Variants in TDRD5 observed in about 807,000 individuals in gnomAD.
TDRD5 encodes tudor domain containing 5.
In TDRD5, 41 loss-of-function variants were observed where a neutral mutation model predicts 120.6. The ratio of observed to expected loss-of-function variants is 0.34; its 90% confidence interval spans 0.26 to 0.44. The LOEUF (loss-of-function observed/expected upper bound fraction) is 0.44, where lower values mean the gene tolerates loss of function less well. Ranked by LOEUF, TDRD5 falls within the 20% of genes least tolerant of loss-of-function variation. The pLI, the probability that TDRD5 is intolerant of heterozygous loss-of-function variation, is 1.00. For synonymous variants in TDRD5, 430 were observed against 433.7 expected, an observed-to-expected ratio of 0.99 and a Z score of 0.11; for missense variants, 1,006 against 1,221.2, an observed-to-expected ratio of 0.82 and a Z score of 2.63.
chr1:179,652,101 T>C lies in TDRD5; in HGVS notation c.2064T>C (p.Ile688=). The C allele has an allele frequency of 6.2e-7, 1 of 1,614,084 alleles. No individual in the cohort carries two copies. The highest frequency in any genetic ancestry group is 8.5e-7 in the Non-Finnish European group (1 of 1,179,992). The change falls in exon 13 of 18, where the codon ATT becomes ATC. Residue 688 remains isoleucine (I), a synonymous_variant. Coordinates refer to ENST00000444136, the MANE Select transcript of TDRD5 (RefSeq NM_001199085.3). ...YTTSSGGPED[I]VLTELGYPSQ... ...CATCCAGTGGAGGGCCAGAGGACATTGTCTTGACAGAACTGGGTTATCCTT... is the reference window on the plus strand; with the variant it reads ...CATCCAGTGGAGGGCCAGAGGACATCGTCTTGACAGAACTGGGTTATCCTT...
At chr1:179,617,083 A>G (rs1332037078) in intron 4 of TDRD5, among the ~76,000 whole-genome samples, 1 of 152,208 alleles carries the variant, frequency 6.6e-6, no homozygotes, top group Non-Finnish European at 1.5e-5. Flanking sequence ...ATCTAAGACT[A>G]AGGGCTAGGT....
At chr1:179,654,098 G>T (rs1472909479) in intron 13 of TDRD5, 103 bp from the exon 14 acceptor site, 5 of 919,914 alleles carry the variant, frequency 5.4e-6, no homozygotes, top group South Asian at 2.2e-5. Flanking sequence ...TGTAGCATTT[G>T]TGTGAACCAT....
At chr1:179,628,335 T>C (rs1482187567) in intron 6 of TDRD5, among the ~76,000 whole-genome samples, 1 of 143,464 alleles carries the variant, frequency 7.0e-6, no homozygotes, top group African/African-American at 2.6e-5. Flanking sequence ...TTTTTTTTTT[T>C]TTTTTTTTTT....
In TDRD5 at chr1:179,652,006, AT is replaced by A. The variant is rs758742121; in HGVS notation, c.2002-31del. On this transcript the variant is annotated intron_variant, in intron 12 of 17. Transcript: ENST00000444136. ...CGCCCTTTTTCTGTTGGTCATGTAA[AT>A]TAAACCATCCCTTTTCTTTTTTTAA... 5.6e-6 allele frequency: 9 copies of A among 1,605,556 alleles called. No homozygotes were observed. The South Asian group carries it at 1.0e-4, about 18-fold the overall frequency.
intron 4 of TDRD5, among the ~76,000 whole-genome samples, chr1:179,607,232 A>G (rs532235645): frequency 6.6e-5 from 10 of 152,230 alleles, no homozygotes; most frequent in Admixed American, 5.9e-4. Context: ...AATTTCACTT[A>G]TTACTGGAAT....
intron 4 of TDRD5, among the ~76,000 whole-genome samples, chr1:179,609,106 C>G (rs1192539747): frequency 1.3e-5 from 2 of 152,006 alleles, no homozygotes; most frequent in Non-Finnish European, 2.9e-5. Flanking sequence ...CACGGGAACA[C>G]CCTGAGAAAA....
intron 11 of TDRD5, among the ~76,000 whole-genome samples, chr1:179,643,783 A>C (rs1439422824): frequency 6.6e-6 from 1 of 152,156 alleles, no homozygotes; most frequent in African/African-American, 2.4e-5. Flanking sequence ...AGGATGGAAA[A>C]AAGGAAGGCC....
At chr1:179,628,395 A>G (rs148175346) in intron 6 of TDRD5, among the ~76,000 whole-genome samples, 1,406 of 137,864 alleles carry the variant, frequency 0.01, 27 homozygotes, top group African/African-American at 0.036. Context: ...CAGTGGTACA[A>G]TCATAGCTCA....
Position 179,618,624 on chromosome 1 carries a change from T to C in TDRD5, c.857T>C (p.Ile286Thr). 1 of 1,597,330 alleles carries C rather than the reference T, an allele frequency of 6.3e-7. No individual in the cohort carries two copies. Among genetic ancestry groups the C allele is most frequent in the Non-Finnish European group, 8.5e-7 (1 of 1,173,564 alleles). ...CTGGAGAACACATTCAAATCAGTTA[T>C]TGCACAGATTGGACCTGGAGGAACT... is the stretch of plus-strand genomic sequence containing the variant. ...NQLENTFKSV[I>T]AQIGPGGTIS... The change falls in exon 5 of 18, where the codon ATT becomes ACT. Residue 286 changes from isoleucine to threonine, a missense_variant. Around this residue, in one of 3 missense-constraint regions of TDRD5, gnomAD observed 445 missense variants for 515.5 expected, o/e 0.86. Coordinates refer to ENST00000444136, the MANE Select transcript of TDRD5 (RefSeq NM_001199085.3).
rs80338510 is a variant in TDRD5, at chr1:179,689,742, C to T, written c.2861-954C>T. On this transcript the variant is annotated intron_variant, in intron 17 of 17. Coordinates refer to ENST00000444136, the MANE Select transcript of TDRD5 (RefSeq NM_001199085.3). ...GGCTACTTTGGTTACCTACTCAAAC[C>T]TCAGCAATGGCGGGCACCCCTCCCC... Among the ~76,000 whole-genome samples the T allele has an allele frequency of 2.0e-5, 3 of 152,154 alleles. No individual in the cohort carries two copies. In the South Asian group the frequency reaches 6.2e-4, roughly 32 times the overall value.
At chr1:179,600,904 G>A (rs1382925913) in intron 4 of TDRD5, among the ~76,000 whole-genome samples, 1 of 152,014 alleles carries the variant, frequency 6.6e-6, no homozygotes, top group Non-Finnish European at 1.5e-5. Context: ...GAAGTGTGTT[G>A]TTTAATATCC....
chr1:179,663,820 A>G (rs1254343498), intron 16 of TDRD5, among the ~76,000 whole-genome samples: 1 of 152,076 alleles, frequency 6.6e-6, no homozygotes, highest in East Asian at 1.9e-4. Flanking sequence ...AAATGATTAA[A>G]CCTCTCTTAG....
chr1:179,592,178 C>A, intron 1 of TDRD5, 53 bp downstream of exon 1: 1 of 168,790 alleles, frequency 5.9e-6, no homozygotes, highest in Non-Finnish European at 1.3e-5. Flanking sequence ...GAGCGGGGAG[C>A]GCCCCCTCGG....
chr1:179,634,478 A>G lies in TDRD5; in HGVS notation c.1148A>G (p.Glu383Gly). ...LPPVQSDKKI[E>G]AKACVSSPPR... is the part of the protein sequence containing the mutation. ...TTAGTTCAGTCAGATAAGAAAATAG[A>G]AGCCAAAGCTTGTGTCTCCAGTCCA... is the stretch of plus-strand genomic sequence containing the variant. The change falls in exon 8 of 18, where the codon GAA (glutamate) becomes GGA (glycine). Residue 383 changes from glutamate (E) to glycine (G), a missense_variant. By Grantham distance (98) the Glu-to-Gly change is moderately conservative. Around this residue, in one of 3 missense-constraint regions of TDRD5, gnomAD observed 445 missense variants for 515.5 expected, o/e 0.86. Transcript: ENST00000444136. 1 of 1,597,124 alleles carries G rather than the reference A, an allele frequency of 6.3e-7. No individual in the cohort carries two copies. The highest frequency in any genetic ancestry group is 8.5e-7 in the Non-Finnish European group (1 of 1,176,096).
chr1:179,665,558 G>T (rs1445886167), intron 16 of TDRD5, among the ~76,000 whole-genome samples: 1 of 152,114 alleles, frequency 6.6e-6, no homozygotes, highest in Admixed American at 6.5e-5. Flanking sequence ...TAAAGATAGG[G>T]TTTATTTCTG....
chr1:179,671,598 A>ATCTT (rs1553334485), intron 17 of TDRD5, among the ~76,000 whole-genome samples: 2 of 151,694 alleles, frequency 1.3e-5, no homozygotes, highest in African/African-American at 4.8e-5. Context: ...AATTTAAAAA[A>ATCTT]TTTACTTCAA....
At chr1:179,623,118 A>G (rs1558385837) in intron 6 of TDRD5, among the ~76,000 whole-genome samples, 1 of 152,214 alleles carries the variant, frequency 6.6e-6, no homozygotes, top group African/African-American at 2.4e-5. Flanking sequence ...AGTACTGTTA[A>G]CCCAATATTT....
intron 9 of TDRD5, among the ~76,000 whole-genome samples, chr1:179,637,274 A>C (rs1321727954): frequency 6.6e-6 from 1 of 152,200 alleles, no homozygotes. Flanking sequence ...CAGTATGCCC[A>C]TGGGACATTT....
chr1:179,592,499 C>G, intron 1 of TDRD5, 103 bp from the exon 2 acceptor site: 1 of 920,782 alleles, frequency 1.1e-6, no homozygotes, highest in Non-Finnish European at 1.7e-6. Context: ...CCTTATTACC[C>G]TTAAAACTGG....
Sources: gnomAD v4.1 joint callset for allele counts (sites outside exome capture counted in the v4.1 genomes callset) on GRCh38, gnomAD v4.1.1 for gene constraint, gnomAD v4.1.1 regional missense constraint, MANE v1.5 for transcripts, NCBI Gene and HGNC (gene_info 2026-07-23, HGNC 2026-07-21) for gene names.